CYP4Z1: variants seen among roughly 807,000 people sequenced by gnomAD.
CYP4Z1 encodes cytochrome P450 4Z1.
In CYP4Z1, 41 loss-of-function variants were observed where a neutral mutation model predicts 54.2. The ratio of observed to expected loss-of-function variants is 0.76; its 90% confidence interval spans 0.59 to 0.98. The LOEUF (loss-of-function observed/expected upper bound fraction) is 0.98. Among genes scored for constraint, CYP4Z1 ranks in the 50% least tolerant of loss-of-function variants. The pLI is 0.00. For missense variants in CYP4Z1, 513 were observed against 599.0 expected, an observed-to-expected ratio of 0.86 and a Z score of 1.50; for synonymous variants, 163 against 206.2, an observed-to-expected ratio of 0.79 and a Z score of 1.79.
At chr1:47,115,641 A>G (rs768012048) in intron 10 of CYP4Z1, 48 bp downstream of exon 10, 2 of 1,526,940 alleles carry the variant, frequency 1.3e-6, no homozygotes, top group Admixed American at 1.8e-5. Flanking sequence ...TAGCACCAAG[A>G]GGGAAGAGAA....
chr1:47,055,778 T>A, the CYP4Z1 span, among the ~76,000 whole-genome samples: 8 of 152,198 alleles, frequency 5.3e-5, no homozygotes, highest in African/African-American at 1.9e-4. Context: ...CCCTTTATCA[T>A]TTTTTATTGC....
chr1:47,117,846 C>T lies in CYP4Z1; in HGVS notation c.1430C>T (p.Pro477Leu). The change falls in exon 12 of 12, where the codon CCA becomes CTA. Residue 477 changes from proline to leucine, a missense_variant. Pro to Leu is a moderately conservative substitution (Grantham distance 98). Coordinates refer to ENST00000334194, the MANE Select transcript of CYP4Z1 (RefSeq NM_178134.3). ...ACTCTGCTCCGCTTCAAGCTGGCTC[C>T]AGACCACTCAAGGCCTCCCCAGCCT... Reference protein sequence around the residue: ...ALTLLRFKLAPDHSRPPQPVR... With the variant: ...ALTLLRFKLALDHSRPPQPVR... 1 of 1,613,752 alleles carries T rather than the reference C, an allele frequency of 6.2e-7. No homozygotes were observed. The highest frequency in any genetic ancestry group is 8.5e-7 in the Non-Finnish European group (1 of 1,179,828).
rs147800302 is a variant in CYP4Z1 at position 47,104,559 on chromosome 1, G to A, written c.1068-1569G>A. Among the ~76,000 whole-genome samples the A allele has an allele frequency of 3.5e-4, 54 of 152,330 alleles. 3 individuals carry two copies. The highest frequency in any genetic ancestry group is 1.3e-3 in the African/African-American group (53 of 41,584). ...AGCAGTCCACGCTGGTATTGGTGGT[G>A]GCGGTGATGGGCTGAGCAGGCCAGT... On this transcript the variant is annotated intron_variant, in intron 8 of 11. Coordinates refer to ENST00000334194, the MANE Select transcript of CYP4Z1 (RefSeq NM_178134.3).
intron 2 of CYP4Z1, among the ~76,000 whole-genome samples, chr1:47,078,991 C>CT (rs901222671): frequency 3.9e-5 from 6 of 151,948 alleles, no homozygotes; most frequent in African/African-American, 1.2e-4. Context: ...CTCAATTGTT[C>CT]TTTTTTGTCC....
chr1:47,066,101 A>T (rs1238960249), upstream of CYP4Z1, among the ~76,000 whole-genome samples: 1 of 152,174 alleles, frequency 6.6e-6, no homozygotes, highest in African/African-American at 2.4e-5. Flanking sequence ...TCTATCACAC[A>T]TTCAAAGAAG....
intron 6 of CYP4Z1, among the ~76,000 whole-genome samples, chr1:47,087,423 T>A (rs1644604464): frequency 6.6e-6 from 1 of 152,190 alleles, no homozygotes; most frequent in Admixed American, 6.5e-5. Context: ...CCCTTGTAAG[T>A]TGGATTCCTA....
At chr1:47,057,914 CTT>C in the CYP4Z1 span, among the ~76,000 whole-genome samples, 1 of 151,822 alleles carries the variant, frequency 6.6e-6, no homozygotes, top group Non-Finnish European at 1.5e-5. Flanking sequence ...AATATAAAGA[CTT>C]TGGATTCTAG....
chr1:47,066,051 C>CA (rs961245657), upstream of CYP4Z1, among the ~76,000 whole-genome samples: 7 of 149,834 alleles, frequency 4.7e-5, no homozygotes, highest in African/African-American at 1.7e-4. Flanking sequence ...TTAATACCAA[C>CA]AAAAAAAAAG....
intron 9 of CYP4Z1, among the ~76,000 whole-genome samples, chr1:47,113,823 A>C (rs1454364610): frequency 6.6e-6 from 1 of 152,186 alleles, no homozygotes; most frequent in Non-Finnish European, 1.5e-5. Flanking sequence ...AGAACATTCC[A>C]TGCTCCTGGG....
At chr1:47,058,043 CTATT>C in the CYP4Z1 span, among the ~76,000 whole-genome samples, 68 of 152,100 alleles carry the variant, frequency 4.5e-4, 1 homozygote, top group Admixed American at 4.2e-3. Flanking sequence ...TTTAAAAAAA[CTATT>C]TATCAAAAAA....
intron 6 of CYP4Z1, among the ~76,000 whole-genome samples, chr1:47,091,902 G>A (rs1644640933): frequency 6.7e-6 from 1 of 150,176 alleles, no homozygotes; most frequent in Non-Finnish European, 1.5e-5. Context: ...AAGAGGGGAG[G>A]CCTGGAGTTA....
chr1:47,103,242 T>C (rs1164660130), intron 8 of CYP4Z1, among the ~76,000 whole-genome samples: 1 of 151,944 alleles, frequency 6.6e-6, no homozygotes, highest in Non-Finnish European at 1.5e-5. Context: ...TGTAGTGGCA[T>C]GATCATAGCT....
rs181136899 is a variant in CYP4Z1 at position 47,111,316 on chromosome 1, T to C, written c.1202-4213T>C. Among the ~76,000 whole-genome samples, 624 of 152,266 alleles carry C rather than the reference T, an allele frequency of 4.1e-3. 3 individuals carry two copies. The highest frequency in any genetic ancestry group is 7.6e-3 in the Non-Finnish European group (516 of 68,028). On this transcript the variant is annotated intron_variant, in intron 9 of 11. Transcript: ENST00000334194. ...CTCCTGCCTCCACCTCCCAAGTAGC[T>C]GGAACTACAGGCGCATGTCACCACG... is the stretch of plus-strand genomic sequence containing the variant.
chr1:47,114,535 C>T lies in CYP4Z1; in HGVS notation c.1202-994C>T, dbSNP rs549042809. 3.3e-5 allele frequency among the ~76,000 whole-genome samples: 5 copies of T among 152,128 alleles called. No homozygotes were observed. In the East Asian group the frequency reaches 5.8e-4, roughly 18 times the overall value. The stretch of plus-strand genomic sequence containing the variant: ...CCTACAGAATGGGAGAAAATTTTTG[C>T]AATCTCCTCATCTGACAAAGGGCTA... On this transcript the variant is annotated intron_variant, in intron 9 of 11. Coordinates refer to ENST00000334194, the MANE Select transcript of CYP4Z1 (RefSeq NM_178134.3).
the CYP4Z1 span, among the ~76,000 whole-genome samples, chr1:47,060,635 TAGAC>T: frequency 6.6e-6 from 1 of 152,166 alleles, no homozygotes; most frequent in Non-Finnish European, 1.5e-5. Context: ...CTGTCAGTAT[TAGAC>T]AGATTATCAA....
chr1:47,058,895 A>G, the CYP4Z1 span, among the ~76,000 whole-genome samples: 1 of 152,140 alleles, frequency 6.6e-6, no homozygotes, highest in African/African-American at 2.4e-5. Flanking sequence ...TGGTAGCAAT[A>G]TCATTATTTA....
intron 6 of CYP4Z1, among the ~76,000 whole-genome samples, chr1:47,087,761 C>G (rs1644607785): frequency 6.6e-6 from 1 of 152,194 alleles, no homozygotes; most frequent in African/African-American, 2.4e-5. Context: ...GAGGGCATCC[C>G]TGTCTTGTGC....
chr1:47,059,618 C>T, the CYP4Z1 span, among the ~76,000 whole-genome samples: 1 of 152,106 alleles, frequency 6.6e-6, no homozygotes, highest in East Asian at 1.9e-4. Context: ...TTTGGCATAC[C>T]TGCTGTACTT....
the CYP4Z1 span, among the ~76,000 whole-genome samples, chr1:47,058,625 G>A: frequency 2.0e-5 from 3 of 152,052 alleles, no homozygotes; most frequent in African/African-American, 4.8e-5. Flanking sequence ...ATGTGGACTC[G>A]CATTTCTTCT....
Sources: allele counts gnomAD v4.1 joint callset (sites outside exome capture counted in the v4.1 genomes callset), GRCh38; gene constraint gnomAD v4.1.1; transcripts MANE v1.5; gene names NCBI Gene and HGNC (gene_info 2026-07-23, HGNC 2026-07-21).